ACVR1C: variants seen among roughly 807,000 people sequenced by gnomAD.
ACVR1C encodes activin A receptor type 1C.
ACVR1C carries 23 observed loss-of-function variants against 57.9 expected under a neutral mutation model. The ratio of observed to expected loss-of-function variants is 0.40; its 90% CI spans 0.29 to 0.56. ACVR1C has a LOEUF of 0.56. ACVR1C is among the 20% of genes least tolerant of loss of function. The pLI, the probability that ACVR1C is intolerant of heterozygous loss-of-function variation, is 0.50. For synonymous variants in ACVR1C, 214 were observed against 215.3 expected (o/e 0.99, Z 0.05); for missense variants, 480 against 607.9 (o/e 0.79, Z 2.21).
intron 1 of ACVR1C, among the ~76,000 whole-genome samples, chr2:157,598,277 C>A (rs1398664070): frequency 6.7e-6 from 1 of 149,156 alleles, no homozygotes; most frequent in Non-Finnish European, 1.5e-5. Context: ...TCATTTCATA[C>A]TGTATACATA....
chr2:157,549,829 C>CAAAAAAAAAAAA (rs1173469291), intron 4 of ACVR1C, among the ~76,000 whole-genome samples: 22 of 47,230 alleles, frequency 4.7e-4, no homozygotes, highest in South Asian at 9.6e-4. Flanking sequence ...ACTAAAAATA[C>CAAAAAAAAAAAA]AAAAAAAAAA....
intron 2 of ACVR1C, among the ~76,000 whole-genome samples, chr2:157,580,282 TA>T (rs1688759609): frequency 6.6e-6 from 1 of 152,182 alleles, no homozygotes; most frequent in African/African-American, 2.4e-5. Context: ...CTTCTCCTTT[TA>T]TAGCAGCTGG....
At chr2:157,565,509 A>G (rs890513281) in intron 2 of ACVR1C, among the ~76,000 whole-genome samples, 2 of 152,212 alleles carry the variant, frequency 1.3e-5, no homozygotes, top group African/African-American at 2.4e-5. Flanking sequence ...TTTTGCAAAC[A>G]GCAAACATAA....
At chr2:157,601,791 T>C (rs1417360898) in intron 1 of ACVR1C, among the ~76,000 whole-genome samples, 1 of 152,212 alleles carries the variant, frequency 6.6e-6, no homozygotes, top group Non-Finnish European at 1.5e-5. Context: ...CACACCTCTC[T>C]AAATCTGTCC....
At chr2:157,619,127 C>T (rs548025410) in intron 1 of ACVR1C, among the ~76,000 whole-genome samples, 1 of 151,454 alleles carries the variant, frequency 6.6e-6, no homozygotes, top group Non-Finnish European at 1.5e-5. Flanking sequence ...GGAGTATTCA[C>T]GAGGTCAGAC....
At chr2:157,547,450 C>T (rs1483446821) in intron 4 of ACVR1C, among the ~76,000 whole-genome samples, 2 of 79,080 alleles carry the variant, frequency 2.5e-5, no homozygotes, top group African/African-American at 4.2e-5. Context: ...TAAAAGTGTT[C>T]CTATTTCTCC....
intron 5 of ACVR1C, among the ~76,000 whole-genome samples, chr2:157,543,881 G>A (rs1687676287): frequency 6.7e-6 from 1 of 149,650 alleles, no homozygotes; most frequent in Admixed American, 6.6e-5. Context: ...CAAGATCTCT[G>A]GGTACATATG....
intron 6 of ACVR1C, 104 bp from the exon 7 acceptor site, chr2:157,541,318 T>C: frequency 8.5e-7 from 1 of 1,171,926 alleles, no homozygotes; most frequent in Non-Finnish European, 1.2e-6. Context: ...AAAGGCAGAT[T>C]TGAAGCACTA....
rs1262921693 is a variant in ACVR1C at position 157,533,911 on chromosome 2, A to G, written c.*7T>C. On this transcript the variant is annotated 3_prime_UTR_variant, in exon 9 of 9. Coordinates refer to ENST00000243349, the MANE Select transcript of ACVR1C (RefSeq NM_145259.3). ...TGAGAGATTTCTTTTTAACATAATT[A>G]TCATCATTAGGCTTTGCAGTCTTCT... The G allele has an allele frequency of 1.9e-6, 3 of 1,547,718 alleles. 1 individual carries two copies. In the South Asian group the frequency reaches 3.7e-5, roughly 19 times the overall value.
At position 157,556,228 on chromosome 2, in the gene ACVR1C, G is replaced by A. The variant is rs1355219925; in HGVS notation, c.409C>T (p.Gln137Ter). 1 of 1,614,060 alleles carries A rather than the reference G, an allele frequency of 6.2e-7. No homozygotes were observed. Among genetic ancestry groups the A allele is most frequent in the Admixed American group, 1.7e-5 (1 of 60,004 alleles). Residue 137 changes from glutamine to a stop codon, truncating the protein, a stop_gained, in exon 3 of 9, where the codon CAG becomes TAG. Coordinates refer to ENST00000243349, the MANE Select transcript of ACVR1C (RefSeq NM_145259.3). LOFTEE classifies it high-confidence loss of function. ...IAAMLTVWAC[Q>*]GRQCSYRKKK... ...TTCCTGTAGGAGCACTGTCGACCCT[G>A]GCATGCCCATACTGTCAGCATCGCA...
At chr2:157,566,025 C>T (rs1298478100) in intron 2 of ACVR1C, among the ~76,000 whole-genome samples, 1 of 152,126 alleles carries the variant, frequency 6.6e-6, no homozygotes, top group Non-Finnish European at 1.5e-5. Flanking sequence ...TAAATAAGTT[C>T]CATAATCAGT....
At chr2:157,554,248 A>AAAGAAAGC (rs1688013235) in intron 3 of ACVR1C, among the ~76,000 whole-genome samples, 1 of 133,538 alleles carries the variant, frequency 7.5e-6, no homozygotes, top group Non-Finnish European at 1.5e-5. Flanking sequence ...AGAAAGAAAG[A>AAAGAAAGC]AAGAAAGAAA....
At chr2:157,542,681 A>G (rs1293937517) in intron 6 of ACVR1C, 25 bp downstream of exon 6, 5 of 1,606,418 alleles carry the variant, frequency 3.1e-6, no homozygotes, top group South Asian at 2.2e-5. Flanking sequence ...ACATCTTACT[A>G]TGCTACCCAA....
intron 1 of ACVR1C, among the ~76,000 whole-genome samples, chr2:157,606,655 T>A (rs1012637819): frequency 6.6e-6 from 1 of 151,770 alleles, no homozygotes; most frequent in African/African-American, 2.4e-5. Context: ...GATTGTTTGT[T>A]TGTTTGTTTG....
At chr2:157,567,141 C>T (rs1207407768) in intron 2 of ACVR1C, among the ~76,000 whole-genome samples, 1 of 84,920 alleles carries the variant, frequency 1.2e-5, no homozygotes, top group Non-Finnish European at 2.4e-5. Context: ...TCCAACAGAC[C>T]TGCAGCTGAG....
intron 2 of ACVR1C, among the ~76,000 whole-genome samples, chr2:157,579,341 A>G (rs1688732174): frequency 6.6e-6 from 1 of 152,146 alleles, no homozygotes; most frequent in African/African-American, 2.4e-5. Flanking sequence ...ACTGCATACA[A>G]AATTATTTCT....
At chr2:157,580,324 A>G (rs1688760660) in intron 2 of ACVR1C, among the ~76,000 whole-genome samples, 1 of 152,116 alleles carries the variant, frequency 6.6e-6, no homozygotes, top group African/African-American at 2.4e-5. Context: ...ACAGTTCCAT[A>G]CTATAAAGTC....
intron 3 of ACVR1C, among the ~76,000 whole-genome samples, chr2:157,555,242 C>G (rs1688071534): frequency 6.6e-6 from 1 of 150,740 alleles, no homozygotes; most frequent in African/African-American, 2.5e-5. Flanking sequence ...CCTCAGCCTC[C>G]CGAGTAGCTG....
chr2:157,556,703 A>G (rs76635435), intron 2 of ACVR1C, among the ~76,000 whole-genome samples: 3 of 127,050 alleles, frequency 2.4e-5, no homozygotes, highest in Non-Finnish European at 4.6e-5. Context: ...TCACTCGATC[A>G]CCCAGGCTGG....
Sources: gnomAD v4.1 joint callset for allele counts (sites outside exome capture counted in the v4.1 genomes callset) on GRCh38, gnomAD v4.1.1 for gene constraint, MANE v1.5 for transcripts, NCBI Gene and HGNC (gene_info 2026-07-23, HGNC 2026-07-21) for gene names.